Variants in PATJ observed in about 807,000 individuals in gnomAD.
PATJ encodes inaD-like protein.
A neutral mutation model predicts 224.9 loss-of-function variants in PATJ; 190 were observed. The observed-to-expected ratio is 0.84, with a 90% CI of 0.75 to 0.95. The LOEUF is 0.95. Among genes scored for constraint, PATJ ranks in the 40% least tolerant of loss-of-function variants. The pLI, the probability that PATJ is intolerant of heterozygous loss-of-function variation, is 0.00. For missense variants in PATJ, 2,121 were observed against 2,270.3 expected (o/e 0.93, Z 1.34); for synonymous variants, 769 against 820.3 (o/e 0.94, Z 1.07).
intron 22 of PATJ, 69 bp from the exon 23 acceptor site, chr1:61,899,514 C>T: frequency 9.7e-7 from 1 of 1,028,556 alleles, no homozygotes; most frequent in South Asian, 1.8e-5. Flanking sequence ...AATTTCAAAA[C>T]CTTCCAAGGA....
At chr1:61,926,310 C>T (rs1675193263) in intron 26 of PATJ, among the ~76,000 whole-genome samples, 1 of 152,090 alleles carries the variant, frequency 6.6e-6, no homozygotes, top group African/African-American at 2.4e-5. Flanking sequence ...ATAAGGAGAC[C>T]AGGACATGCT....
intron 22 of PATJ, among the ~76,000 whole-genome samples, chr1:61,890,444 A>G (rs917401957): frequency 1.3e-5 from 2 of 151,918 alleles, no homozygotes; most frequent in Admixed American, 6.6e-5. Flanking sequence ...ATACCACTGC[A>G]CTCCAGCCTG....
rs185966270 is a variant in PATJ, at chr1:61,778,988, C to T, written c.849+3654C>T. ...TGCTAGGATTACAGGTGTGAGCCAT[C>T]AAGCCTGGCGAATATTTTTTGTTTT... On this transcript the variant is annotated intron_variant, in intron 7 of 43. Coordinates refer to ENST00000642238, the MANE Select transcript of PATJ (RefSeq NM_001350145.3). Among the ~76,000 whole-genome samples, 4 of 152,160 alleles carry T rather than the reference C, an allele frequency of 2.6e-5. No individual in the cohort carries two copies. The East Asian group carries it at 7.7e-4, about 29-fold the overall frequency.
At position 61,910,536 on chromosome 1, in the gene PATJ, CTTTTTTTTT is replaced by C. The variant is rs71050181; in HGVS notation, c.3492+2074_3492+2082del. 3.5e-4 allele frequency among the ~76,000 whole-genome samples: 15 copies of C among 42,268 alleles called. 1 individual carries two copies. The highest frequency in any genetic ancestry group is 0.031 in the Middle Eastern group (1 of 32). 27.7% of individuals were successfully genotyped at this position (42,268 alleles called of 152,430 possible). A position where few individuals can be genotyped will look rare whatever the true frequency, so the allele number is the denominator to read the frequency against. ...ACTTTGTTTATAGGGCAAAGTGACT[CTTTTTTTTT>C]TTTTTTTTTTTTTTTTTTTGGAGAC... On this transcript the variant is annotated intron_variant, in intron 25 of 43. Transcript: ENST00000642238.
chr1:61,785,894 C>G (rs550262317), intron 7 of PATJ, among the ~76,000 whole-genome samples: 1 of 152,178 alleles, frequency 6.6e-6, no homozygotes, highest in East Asian at 1.9e-4. Context: ...ACTTGGGCAA[C>G]AGAGTGGGTC....
chr1:61,913,859 T>C (rs892110918), intron 25 of PATJ, among the ~76,000 whole-genome samples: 9 of 152,330 alleles, frequency 5.9e-5, no homozygotes, highest in Admixed American at 2.6e-4. Flanking sequence ...TGTTATCCTA[T>C]GTTCTTGGAT....
At position 62,000,200 on chromosome 1, in the gene PATJ, G is replaced by GT. The variant is rs542299615; in HGVS notation, c.3867+9849dup. Among the ~76,000 whole-genome samples, 282 of 115,664 alleles carry GT rather than the reference G, an allele frequency of 2.4e-3. 1 individual carries two copies. Among genetic ancestry groups the GT allele is most frequent in the South Asian group, 0.021 (75 of 3,656 alleles). 75.9% of individuals were successfully genotyped at this position (115,664 alleles called of 152,430 possible). On this transcript the variant is annotated intron_variant, in intron 28 of 43. Transcript: ENST00000642238. Reference sequence around the variant, plus strand: ...CACCGTGCCCAGCCTAGAGTTTTTTGTTTTTTTTTTTTTATACTTTAAGTT... The same window carrying GT: ...CACCGTGCCCAGCCTAGAGTTTTTTGTTTTTTTTTTTTTTATACTTTAAGTT...
At chr1:62,055,765 T>C (rs1189899574) in intron 31 of PATJ, among the ~76,000 whole-genome samples, 2 of 152,182 alleles carry the variant, frequency 1.3e-5, no homozygotes, top group Non-Finnish European at 2.9e-5. Flanking sequence ...GTATTAGGGT[T>C]CTCCGAAGAG....
chr1:61,772,286 A>G (rs958327088), intron 6 of PATJ, among the ~76,000 whole-genome samples: 2 of 152,026 alleles, frequency 1.3e-5, no homozygotes, highest in Non-Finnish European at 2.9e-5. Flanking sequence ...TGAGTGTTTA[A>G]AGTAAGGTTT....
Position 61,766,446 on chromosome 1 carries a change from T to C in PATJ, c.357T>C (p.Phe119=), listed in dbSNP as rs987570635. Residue 119 remains phenylalanine (F), a synonymous_variant, in exon 4 of 44, where the codon TTT becomes TTC. Coordinates refer to ENST00000642238, the MANE Select transcript of PATJ (RefSeq NM_001350145.3). The stretch of plus-strand genomic sequence containing the variant: ...CCCCGAAGTTGGGAAATGAAGACTT[T>C]AACTCAGTCATTCAACAGATGGCTC... The part of the protein sequence containing the change: ...PWTPKLGNED[F]NSVIQQMAQG... 2 of 1,604,262 alleles carry C rather than the reference T, an allele frequency of 1.2e-6. No homozygotes were observed. The highest frequency in any genetic ancestry group is 1.7e-6 in the Non-Finnish European group (2 of 1,177,498).
chr1:61,836,318 C>T (rs1421207393), intron 17 of PATJ, among the ~76,000 whole-genome samples: 1 of 152,138 alleles, frequency 6.6e-6, no homozygotes, highest in East Asian at 1.9e-4. Context: ...ATCAGCAGCA[C>T]ACATACTGAC....
chr1:61,918,061 A>G (rs1673706605), intron 26 of PATJ: 1 of 151,696 alleles, frequency 6.6e-6, no homozygotes, highest in Non-Finnish European at 1.5e-5. Flanking sequence ...CAAAAAAAAA[A>G]AAAAGAAAAG....
chr1:61,787,057 A>G (rs1479069905), intron 7 of PATJ, among the ~76,000 whole-genome samples: 2 of 152,158 alleles, frequency 1.3e-5, no homozygotes, highest in African/African-American at 4.8e-5. Context: ...GAACACCCCA[A>G]CTGTGAAACA....
At chr1:61,998,340 T>A (rs1301105078) in intron 28 of PATJ, among the ~76,000 whole-genome samples, 1 of 151,884 alleles carries the variant, frequency 6.6e-6, no homozygotes, top group Non-Finnish European at 1.5e-5. Flanking sequence ...TGCCTCCGCC[T>A]CCCAAAGTGC....
Position 61,903,372 on chromosome 1 carries a change from G to A in PATJ, c.3381+1913G>A, listed in dbSNP as rs566242352. Among the ~76,000 whole-genome samples the A allele has an allele frequency of 2.6e-5, 4 of 152,306 alleles. No homozygotes were observed. In the East Asian group the frequency reaches 5.8e-4, roughly 22 times the overall value. On this transcript the variant is annotated intron_variant, in intron 24 of 43. Transcript: ENST00000642238. ...CAAAAGCTTTTCAGCTTGAGGAATCGAAGATGGAATTTCTGTTTGCTGAGA... is the reference window on the plus strand; with the variant it reads ...CAAAAGCTTTTCAGCTTGAGGAATCAAAGATGGAATTTCTGTTTGCTGAGA...
chr1:61,865,482 C>T (rs995802082), intron 20 of PATJ: 3 of 151,906 alleles, frequency 2.0e-5, no homozygotes, highest in Admixed American at 6.6e-5. Context: ...CTCCCATCTC[C>T]CATCTCCCAT....
At chr1:62,061,549 G>T (rs554991024) in intron 31 of PATJ, among the ~76,000 whole-genome samples, 6 of 152,254 alleles carry the variant, frequency 3.9e-5, no homozygotes, top group African/African-American at 1.4e-4. Context: ...AGAACATGCA[G>T]TATTTAGTTT....
chr1:61,997,174 T>G (rs1404190026), intron 28 of PATJ, among the ~76,000 whole-genome samples: 4 of 152,228 alleles, frequency 2.6e-5, no homozygotes, highest in Admixed American at 6.5e-5. Flanking sequence ...ATTTGCTATA[T>G]GTCAATATTG....
intron 31 of PATJ, among the ~76,000 whole-genome samples, chr1:62,074,793 A>T (rs1423708396): frequency 6.6e-6 from 1 of 152,048 alleles, no homozygotes; most frequent in African/African-American, 2.4e-5. Context: ...GCAAAACCTC[A>T]TCTCTACTAA....
Sources: gnomAD v4.1 joint callset for allele counts (sites outside exome capture counted in the v4.1 genomes callset) on GRCh38, gnomAD v4.1.1 for gene constraint, MANE v1.5 for transcripts, NCBI Gene and HGNC (gene_info 2026-07-23, HGNC 2026-07-21) for gene names.